CFAP91: variants seen among roughly 807,000 people sequenced by gnomAD.
CFAP91 encodes the protein cilia and flagella associated protein 91, also known as cilia- and flagella-associated protein 91.
In CFAP91, 85 loss-of-function variants were observed where a neutral mutation model predicts 95.9. The observed-to-expected ratio is 0.89, with a 90% CI of 0.74 to 1.06. The LOEUF is 1.06. CFAP91 is among the 50% of genes least tolerant of loss of function. The pLI, the probability that CFAP91 is intolerant of heterozygous loss-of-function variation, is 0.00. For missense variants in CFAP91, 962 were observed against 943.4 expected (o/e 1.02, Z -0.26); for synonymous variants, 335 against 327.5 (o/e 1.02, Z -0.25).
At chr3:119,735,919 A>G (rs1191317712) in intron 10 of CFAP91, among the ~76,000 whole-genome samples, 4 of 151,538 alleles carry the variant, frequency 2.6e-5, no homozygotes, top group Non-Finnish European at 5.9e-5. Context: ...TCTTATACTT[A>G]TATCGATCTA....
intron 1 of CFAP91, among the ~76,000 whole-genome samples, chr3:119,703,750 A>G (rs1023568001): frequency 1.3e-5 from 2 of 152,112 alleles, no homozygotes; most frequent in Non-Finnish European, 2.9e-5. Context: ...ACCCCAGTTT[A>G]TTTTAACGGC....
intron 7 of CFAP91, among the ~76,000 whole-genome samples, chr3:119,727,344 G>T (rs2053801739): frequency 6.6e-6 from 1 of 152,174 alleles, no homozygotes; most frequent in South Asian, 2.1e-4. Flanking sequence ...GGCAAAGTAG[G>T]TGTCAAATAC....
At chr3:119,753,610 G>C (rs1368159280) in intron 17 of CFAP91, among the ~76,000 whole-genome samples, 2 of 152,188 alleles carry the variant, frequency 1.3e-5, no homozygotes, top group Non-Finnish European at 2.9e-5. Context: ...CAAAACAATA[G>C]ATGATAGAAA....
intron 13 of CFAP91, among the ~76,000 whole-genome samples, chr3:119,741,708 G>A (rs2054124155): frequency 6.6e-6 from 1 of 152,176 alleles, no homozygotes; most frequent in Non-Finnish European, 1.5e-5. Context: ...TAGTGTTATA[G>A]GGAAGTAATA....
intron 5 of CFAP91, among the ~76,000 whole-genome samples, chr3:119,713,418 C>CT (rs34012023): frequency 3.3e-3 from 467 of 143,660 alleles, no homozygotes; most frequent in African/African-American, 8.9e-3. Context: ...GTACCTCGCC[C>CT]TTTTTTTTTT....
rs2053915500 is a variant in CFAP91 at position 119,732,338 on chromosome 3, T to C, written c.1063T>C (p.Leu355=). ...AAAGAGAAAGAATATAGAAGGGAAG[T>C]TGGAGAGAAGAAATATCATCAAGGA... ...VGKRKNIEGK[L]ERRNIIKDYS... Residue 355 remains leucine, a synonymous_variant, in exon 9 of 18, where the codon TTG becomes CTG. Transcript: ENST00000273390. 2 of 1,610,786 alleles carry C rather than the reference T, an allele frequency of 1.2e-6. No homozygotes were observed. The highest frequency in any genetic ancestry group is 1.7e-6 in the Non-Finnish European group (2 of 1,178,024).
In CFAP91 at chr3:119,732,447, TAAA is replaced by T; in HGVS notation, c.1176_1178del (p.Lys392del). On this transcript the variant is annotated inframe_deletion, in exon 9 of 18. Transcript: ENST00000273390. The stretch of plus-strand genomic sequence containing the variant: ...GACAACAACTCAGAGGACTTTGTAG[TAAA>T]AAACTACTATCTCAACACCTATGAA... The T allele has an allele frequency of 6.2e-7, 1 of 1,606,356 alleles. No homozygotes were observed.
In CFAP91 at chr3:119,707,502, C is replaced by T; in HGVS notation, c.300C>T (p.Ile100=). 6.3e-7 allele frequency: 1 copy of T among 1,599,262 alleles called. No individual in the cohort carries two copies. Among genetic ancestry groups the T allele is most frequent in the Non-Finnish European group, 8.5e-7 (1 of 1,169,902 alleles). ...WSKSDPVPPF[I]SREWKGHKEK... ...AGTCAGATCCTGTCCCACCATTTAT[C>T]AGTCGGGAATGGAAGGGACATAAGG... The change falls in exon 3 of 18, where the codon ATC becomes ATT. Residue 100 remains isoleucine, a synonymous_variant. Transcript: ENST00000273390.
intron 17 of CFAP91, among the ~76,000 whole-genome samples, chr3:119,760,476 C>T (rs1297980431): frequency 6.6e-6 from 1 of 151,714 alleles, no homozygotes; most frequent in Non-Finnish European, 1.5e-5. Flanking sequence ...ATGAACAGAA[C>T]ATCTAGACAA....
intron 10 of CFAP91, among the ~76,000 whole-genome samples, chr3:119,735,200 A>C (rs1278910622): frequency 1.3e-5 from 2 of 152,104 alleles, no homozygotes. Context: ...TTTCCAAACA[A>C]TGAACTTTTG....
intron 16 of CFAP91, 44 bp from the exon 17 acceptor site, chr3:119,750,893 G>T (rs540986277): frequency 5.2e-5 from 83 of 1,609,792 alleles, no homozygotes; most frequent in Admixed American, 4.7e-4. Flanking sequence ...GAATGGTTTT[G>T]TTCAGACTTT....
At chr3:119,737,558 A>C in intron 11 of CFAP91, 76 bp downstream of exon 11, 1 of 883,636 alleles carries the variant, frequency 1.1e-6, no homozygotes, top group Non-Finnish European at 1.8e-6. Context: ...GTTTAGCTTA[A>C]AGCAAATCTA....
rs750440567 is a variant in CFAP91, at chr3:119,747,133, A to T, written c.1921A>T (p.Ser641Cys). The T allele has an allele frequency of 2.4e-5, 39 of 1,605,824 alleles. No individual in the cohort carries two copies. The highest frequency in any genetic ancestry group is 3.1e-5 in the Non-Finnish European group (36 of 1,176,764). ...TTTGCAGGTGGTTAAAGTTCACCAT[A>T]GTACTATAAGCTCCTACCTAGAAGA... ...IFKEVVKVHH[S>C]TISSYLEDII... is the part of the protein sequence containing the mutation. The change falls in exon 15 of 18, where the codon AGT (serine) becomes TGT (cysteine). Residue 641 changes from serine (S) to cysteine (C), a missense_variant. Transcript: ENST00000273390.
At chr3:119,741,735 C>T (rs2054124510) in intron 13 of CFAP91, among the ~76,000 whole-genome samples, 1 of 152,070 alleles carries the variant, frequency 6.6e-6, no homozygotes, top group Admixed American at 6.5e-5. Context: ...GTTAATATGA[C>T]CCCCCCTTTA....
intron 6 of CFAP91, among the ~76,000 whole-genome samples, chr3:119,717,053 A>G (rs907511933): frequency 1.3e-5 from 2 of 152,266 alleles, no homozygotes; most frequent in Admixed American, 6.5e-5. Flanking sequence ...TTCGTAATGT[A>G]GAAATGGAGA....
At chr3:119,732,192 C>A in intron 8 of CFAP91, 102 bp from the exon 9 acceptor site, 2 of 898,870 alleles carry the variant, frequency 2.2e-6, no homozygotes, top group Non-Finnish European at 3.3e-6. Flanking sequence ...TCATTCATTT[C>A]AATAGCTTCT....
At chr3:119,740,948 G>A (rs1292909321) in intron 13 of CFAP91, 9 of 452,402 alleles carry the variant, frequency 2.0e-5, no homozygotes, top group Admixed American at 3.4e-5. Flanking sequence ...TCTGCCTCAC[G>A]GGTTCAAATG....
chr3:119,732,179 AATTC>A (rs1559757888), intron 8 of CFAP91, 111 bp from the exon 9 acceptor site: 9 of 792,302 alleles, frequency 1.1e-5, no homozygotes, highest in Non-Finnish European at 1.8e-5. Flanking sequence ...GTCATCAGGA[AATTC>A]ATTCATTTCA....
chr3:119,757,348 A>G (rs1464273651), intron 17 of CFAP91, among the ~76,000 whole-genome samples: 1 of 152,170 alleles, frequency 6.6e-6, no homozygotes, highest in Non-Finnish European at 1.5e-5. Flanking sequence ...AAAACATTTA[A>G]AAATGAAATA....
Sources: gnomAD v4.1 joint callset for allele counts (sites outside exome capture counted in the v4.1 genomes callset) on GRCh38, gnomAD v4.1.1 for gene constraint, MANE v1.5 for transcripts, NCBI Gene and HGNC (gene_info 2026-07-23, HGNC 2026-07-21) for gene names.